The following GK5 variants were observed in gnomAD, a reference collection of about 807,000 sequenced individuals.
GK5 encodes ATP:glycerol 3-phosphotransferase 5.
A neutral mutation model predicts 77.3 loss-of-function variants in GK5; 39 were observed. That is an observed-to-expected ratio of 0.50 (90% CI 0.39 to 0.66). The LOEUF (loss-of-function observed/expected upper bound fraction) is 0.66, where lower values mean the gene tolerates loss of function less well. Ranked by LOEUF, GK5 falls within the 30% of genes least tolerant of loss-of-function variation. The pLI, the probability that GK5 is intolerant of heterozygous loss-of-function variation, is 0.00. For synonymous variants in GK5, 211 were observed against 208.0 expected (o/e 1.01, Z -0.13); for missense variants, 487 against 633.8 (o/e 0.77, Z 2.49).
chr3:142,194,667 G>A (rs986780798), intron 5 of GK5, among the ~76,000 whole-genome samples: 1 of 151,810 alleles, frequency 6.6e-6, no homozygotes, highest in Non-Finnish European at 1.5e-5. Flanking sequence ...CTCAAGCCTG[G>A]GTGACAGACT....
Position 142,181,501 on chromosome 3 carries a change from T to G in GK5, c.1008A>C (p.Ala336=). The G allele has an allele frequency of 6.2e-7, 1 of 1,613,680 alleles. No individual in the cohort carries two copies. The highest frequency in any genetic ancestry group is 8.5e-7 in the Non-Finnish European group (1 of 1,179,730). Residue 336 remains alanine (A), a synonymous_variant, in exon 11 of 16, where the codon GCA becomes GCC. Coordinates refer to ENST00000392993, the MANE Select transcript of GK5 (RefSeq NM_001039547.3). Reference sequence around the variant, plus strand: ...ATTTTATGGCAGTACCAGTGTCTCCTGCATTGCTTTCAGCTAAGCATACGA... The same window carrying G: ...ATTTTATGGCAGTACCAGTGTCTCCGGCATTGCTTTCAGCTAAGCATACGA... ...QEVVCLAESN[A]GDTGTAIKWA... is the part of the protein sequence containing the mutation.
chr3:142,204,350 T>C (rs1241915224), intron 4 of GK5: 1 of 336,212 alleles, frequency 3.0e-6, no homozygotes, highest in East Asian at 7.6e-5. Flanking sequence ...GCTAGTTATC[T>C]ATAATATCTC....
chr3:142,171,702 A>T (rs2063542458), intron 13 of GK5, among the ~76,000 whole-genome samples: 1 of 152,158 alleles, frequency 6.6e-6, no homozygotes, highest in African/African-American at 2.4e-5. Context: ...CCTTCATGTA[A>T]GAAGGCATAA....
intron 9 of GK5, among the ~76,000 whole-genome samples, chr3:142,184,035 A>G (rs2107775790): frequency 6.6e-6 from 1 of 151,790 alleles, no homozygotes. Flanking sequence ...GAGGTGGGCA[A>G]ATCACGAGGT....
chr3:142,179,513 T>C (rs1428386063), intron 11 of GK5, among the ~76,000 whole-genome samples: 1 of 152,172 alleles, frequency 6.6e-6, no homozygotes, highest in Non-Finnish European at 1.5e-5. Flanking sequence ...GAGACTCCTA[T>C]CTCTTTAAAA....
Position 142,213,593 on chromosome 3 carries a change from T to A in GK5, c.250A>T (p.Ile84Leu). ...AGACCAACAATTTGATTCATCTGTA[T>A]TCCTGCAGCTAAAAGTAAAGATGGA... The part of the protein sequence containing the change: ...VIKEAVKAAG[I>L]QMNQIVGLGI... Residue 84 changes from isoleucine to leucine, a missense_variant, in exon 3 of 16, where the codon ATA becomes TTA. Physicochemically the swap from Ile to Leu is conservative, Grantham distance 5. Around this residue, in one of 4 missense-constraint regions of GK5, gnomAD observed 323 missense variants for 437.4 expected, o/e 0.74. Transcript: ENST00000392993. 6.2e-7 allele frequency: 1 copy of A among 1,608,536 alleles called. No homozygotes were observed. The highest frequency in any genetic ancestry group is 2.2e-5 in the East Asian group (1 of 44,854).
chr3:142,199,097 T>C (rs1308718552), intron 4 of GK5, among the ~76,000 whole-genome samples, 164 bp from the exon 5 acceptor site: 2 of 152,188 alleles, frequency 1.3e-5, no homozygotes, highest in East Asian at 1.9e-4. Context: ...TTATCCTAAA[T>C]GGGCAGTTTG....
At chr3:142,174,630 G>GAT (rs1335220304) in intron 12 of GK5, among the ~76,000 whole-genome samples, 115 of 152,304 alleles carry the variant, frequency 7.6e-4, no homozygotes, top group Admixed American at 2.1e-3. Flanking sequence ...AACTAGAGAT[G>GAT]GCAATCACAG....
chr3:142,203,472 A>C (rs1479254126), intron 4 of GK5, among the ~76,000 whole-genome samples: 1 of 152,194 alleles, frequency 6.6e-6, no homozygotes, highest in East Asian at 1.9e-4. Context: ...AGGCATTATA[A>C]GTATTAAAAT....
intron 15 of GK5, 61 bp downstream of exon 15, chr3:142,170,264 A>C (rs2063520105): frequency 6.4e-7 from 1 of 1,557,616 alleles, no homozygotes; most frequent in East Asian, 2.2e-5. Context: ...TGAGAGGAGA[A>C]ATGCTATCTG....
intron 12 of GK5, among the ~76,000 whole-genome samples, chr3:142,175,061 T>C (rs539506964): frequency 6.6e-6 from 1 of 152,298 alleles, no homozygotes; most frequent in African/African-American, 2.4e-5. Flanking sequence ...CCAAAGACGC[T>C]AAGAACTGCT....
At chr3:142,222,896 GTTTTC>G (rs1372280732) in intron 1 of GK5, among the ~76,000 whole-genome samples, 1 of 152,162 alleles carries the variant, frequency 6.6e-6, no homozygotes, top group Non-Finnish European at 1.5e-5. Flanking sequence ...TAAATGCTTA[GTTTTC>G]TTTTATTATC....
intron 12 of GK5, 52 bp from the exon 13 acceptor site, chr3:142,172,508 C>A (rs538693397): frequency 3.0e-6 from 3 of 986,322 alleles, no homozygotes; most frequent in African/African-American, 3.2e-5. Context: ...ATTACATCTA[C>A]GGACTTGAGG....
Position 142,170,313 on chromosome 3 carries a change from T to C in GK5, c.1441+12A>G. The stretch of plus-strand genomic sequence containing the variant: ...GCAAGAAAACTCTCATTCTTATAAA[T>C]TTCACACATACCAACAGCAAGGCCA... On this transcript the variant is annotated intron_variant, in intron 15 of 15. Coordinates refer to ENST00000392993, the MANE Select transcript of GK5 (RefSeq NM_001039547.3). 6.2e-7 allele frequency: 1 copy of C among 1,613,658 alleles called. No homozygotes were observed. Among genetic ancestry groups the C allele is most frequent in the Non-Finnish European group, 8.5e-7 (1 of 1,179,656 alleles).
intron 6 of GK5, among the ~76,000 whole-genome samples, 181 bp from the exon 7 acceptor site, chr3:142,186,694 G>A (rs1041842622): frequency 4.8e-5 from 7 of 146,024 alleles, no homozygotes; most frequent in Non-Finnish European, 1.0e-4. Context: ...GCAATGGCAC[G>A]ATCTTGGCTC....
chr3:142,197,327 T>C (rs566533902), intron 5 of GK5, among the ~76,000 whole-genome samples: 1 of 152,362 alleles, frequency 6.6e-6, no homozygotes, highest in South Asian at 2.1e-4. Context: ...ATAACTGTTA[T>C]ATATTTATGA....
intron 12 of GK5, 69 bp from the exon 13 acceptor site, chr3:142,172,525 T>C (rs183560644): frequency 5.3e-6 from 4 of 749,740 alleles, no homozygotes; most frequent in East Asian, 2.7e-5. Context: ...GAGGAAATAC[T>C]ATACAACAAC....
intron 15 of GK5, among the ~76,000 whole-genome samples, chr3:142,169,216 T>C (rs2063507375): frequency 6.6e-6 from 1 of 152,368 alleles, no homozygotes; most frequent in Admixed American, 6.5e-5. Flanking sequence ...GCAAACCTAC[T>C]GACAAAGTTT....
At chr3:142,180,438 G>A (rs978109501) in intron 11 of GK5, among the ~76,000 whole-genome samples, 2 of 151,944 alleles carry the variant, frequency 1.3e-5, no homozygotes, top group African/African-American at 4.8e-5. Context: ...GAGTAGCTGG[G>A]ATTACAGGCG....
Sources: gnomAD v4.1 joint callset for allele counts (sites outside exome capture counted in the v4.1 genomes callset) on GRCh38, gnomAD v4.1.1 for gene constraint, gnomAD v4.1.1 regional missense constraint, MANE v1.5 for transcripts, NCBI Gene and HGNC (gene_info 2026-07-23, HGNC 2026-07-21) for gene names.